TMEM132D: variants seen among roughly 807,000 people sequenced by gnomAD.
TMEM132D encodes transmembrane protein 132D.
In TMEM132D, 21 loss-of-function variants were observed where a neutral mutation model predicts 62.3. The observed-to-expected ratio is 0.34, with a 90% confidence interval of 0.24 to 0.49. The LOEUF (loss-of-function observed/expected upper bound fraction) is 0.49. Among genes scored for constraint, TMEM132D ranks in the 20% least tolerant of loss-of-function variants. TMEM132D has a pLI of 0.99. For synonymous variants in TMEM132D, 621 were observed against 575.6 expected (o/e 1.08, Z -1.13); for missense variants, 1,346 against 1,402.8 (o/e 0.96, Z 0.65).
chr12:129,876,157 C>T (rs1423651603), intron 1 of TMEM132D, among the ~76,000 whole-genome samples: 6 of 152,124 alleles, frequency 3.9e-5, no homozygotes, highest in Non-Finnish European at 7.3e-5. Flanking sequence ...GAAGGGAGGC[C>T]CTTAGGCTGC....
intron 2 of TMEM132D, among the ~76,000 whole-genome samples, chr12:129,671,087 G>A (rs1453321952): frequency 6.6e-6 from 1 of 151,928 alleles, no homozygotes; most frequent in Admixed American, 6.6e-5. Context: ...GGCAAGACAG[G>A]AAAAAAGCAA....
chr12:129,431,888 C>T (rs1176215314), intron 3 of TMEM132D, among the ~76,000 whole-genome samples: 10 of 152,200 alleles, frequency 6.6e-5, no homozygotes, highest in Admixed American at 6.5e-4. Flanking sequence ...CAAGCACATG[C>T]CTGCCCCAGG....
intron 2 of TMEM132D, among the ~76,000 whole-genome samples, chr12:129,680,119 G>T (rs1353429180): frequency 6.6e-6 from 1 of 152,182 alleles, no homozygotes; most frequent in East Asian, 1.9e-4. Flanking sequence ...CTGTGCCTGA[G>T]TTCACTCAAC....
At chr12:129,877,440 C>T (rs1874453647) in intron 1 of TMEM132D, among the ~76,000 whole-genome samples, 1 of 152,124 alleles carries the variant, frequency 6.6e-6, no homozygotes, top group African/African-American at 2.4e-5. Context: ...GCACCCATTC[C>T]TATTTGTTCA....
intron 1 of TMEM132D, among the ~76,000 whole-genome samples, chr12:129,728,624 C>T (rs1185271011): frequency 6.6e-6 from 1 of 152,202 alleles, no homozygotes; most frequent in African/African-American, 2.4e-5. Context: ...TCCGTTTCCC[C>T]AGGTTCAGGC....
At chr12:129,670,737 G>C (rs1480170289) in intron 2 of TMEM132D, among the ~76,000 whole-genome samples, 1 of 152,142 alleles carries the variant, frequency 6.6e-6, no homozygotes, top group African/African-American at 2.4e-5. Flanking sequence ...GCTCTGTCTA[G>C]GCAGTAGGCA....
At chr12:129,872,254 AG>A in intron 1 of TMEM132D, among the ~76,000 whole-genome samples, 1 of 152,340 alleles carries the variant, frequency 6.6e-6, no homozygotes, top group East Asian at 1.9e-4. Flanking sequence ...TTTTCCTGAT[AG>A]GAGTAAATCT....
At chr12:129,440,196 T>G (rs1872901391) in intron 3 of TMEM132D, among the ~76,000 whole-genome samples, 1 of 152,178 alleles carries the variant, frequency 6.6e-6, no homozygotes, top group Non-Finnish European at 1.5e-5. Flanking sequence ...ACAAAAGAAG[T>G]AAAAGATTTT....
chr12:129,078,824 C>T (rs1253661093), intron 7 of TMEM132D, 99 bp from the exon 8 acceptor site: 3 of 1,260,850 alleles, frequency 2.4e-6, no homozygotes, highest in Non-Finnish European at 3.4e-6. Flanking sequence ...AGCGGCAGGG[C>T]AACATGTGAG....
intron 5 of TMEM132D, among the ~76,000 whole-genome samples, chr12:129,127,443 G>A (rs1016346654): frequency 1.3e-5 from 2 of 152,136 alleles, no homozygotes; most frequent in South Asian, 2.1e-4. Flanking sequence ...CCTCGCTTCC[G>A]GCAGGTCCAG....
intron 3 of TMEM132D, among the ~76,000 whole-genome samples, chr12:129,352,403 CTCTG>C (rs369533728): frequency 2.8e-4 from 43 of 151,360 alleles, no homozygotes; most frequent in Non-Finnish European, 4.6e-4. Flanking sequence ...GAACATCCTA[CTCTG>C]TCTATGAAGT....
intron 2 of TMEM132D, among the ~76,000 whole-genome samples, chr12:129,562,135 G>A (rs544726215): frequency 6.6e-6 from 1 of 152,256 alleles, no homozygotes; most frequent in Admixed American, 6.5e-5. Context: ...TGAAGGACTT[G>A]GGCTTCAGCT....
chr12:129,793,654 T>A (rs956099089), intron 1 of TMEM132D, among the ~76,000 whole-genome samples: 1 of 152,210 alleles, frequency 6.6e-6, no homozygotes, highest in South Asian at 2.1e-4. Flanking sequence ...GCGTGGGCCA[T>A]CACACCTAGC....
intron 5 of TMEM132D, among the ~76,000 whole-genome samples, chr12:129,151,743 G>A (rs2135536058): frequency 6.6e-6 from 1 of 152,282 alleles, no homozygotes; most frequent in African/African-American, 2.4e-5. Context: ...CTTTCCAGAT[G>A]TTGCCCCCCG....
intron 3 of TMEM132D, among the ~76,000 whole-genome samples, chr12:129,368,590 T>TG (rs1375799779): frequency 2.6e-5 from 4 of 151,902 alleles, no homozygotes; most frequent in African/African-American, 9.7e-5. Flanking sequence ...ATTATTATTA[T>TG]TTTTTTTACA....
intron 5 of TMEM132D, among the ~76,000 whole-genome samples, chr12:129,189,551 C>T (rs534503071): frequency 6.6e-6 from 1 of 152,156 alleles, no homozygotes; most frequent in South Asian, 2.1e-4. Context: ...CTGCCCATAG[C>T]CCACCGTGCA....
intron 1 of TMEM132D, among the ~76,000 whole-genome samples, chr12:129,750,632 C>T (rs906592063): frequency 6.6e-6 from 1 of 152,126 alleles, no homozygotes; most frequent in African/African-American, 2.4e-5. Flanking sequence ...AATTGTCTTA[C>T]TGGTTGACTT....
chr12:129,147,491 T>C (rs1227117254), intron 5 of TMEM132D, among the ~76,000 whole-genome samples: 3 of 152,126 alleles, frequency 2.0e-5, no homozygotes, highest in South Asian at 2.1e-4. Flanking sequence ...AGTTATTAAA[T>C]TCGGTGAACA....
At chr12:129,353,216 A>T (rs1869927020) in intron 3 of TMEM132D, among the ~76,000 whole-genome samples, 1 of 151,810 alleles carries the variant, frequency 6.6e-6, no homozygotes. Flanking sequence ...AAGCTTAATT[A>T]TATGGATATC....
Sources: gnomAD v4.1 joint callset for allele counts (sites outside exome capture counted in the v4.1 genomes callset) on GRCh38, gnomAD v4.1.1 for gene constraint, MANE v1.5 for transcripts, NCBI Gene and HGNC (gene_info 2026-07-23, HGNC 2026-07-21) for gene names.